The following SLC2A11 variants were observed in gnomAD, a reference collection of about 807,000 sequenced individuals.
SLC2A11 encodes the protein solute carrier family 2, facilitated glucose transporter member 11.
In SLC2A11, 43 loss-of-function variants were observed where a neutral mutation model predicts 52.1. The ratio of observed to expected loss-of-function variants is 0.82; its 90% confidence interval spans 0.65 to 1.06. The LOEUF is 1.06. SLC2A11 is among the 50% of genes least tolerant of loss of function. SLC2A11 has a pLI of 0.00. For synonymous variants in SLC2A11, 261 were observed against 277.6 expected (o/e 0.94, Z 0.59); for missense variants, 582 against 654.2 (o/e 0.89, Z 1.20).
chr22:23,869,969 T>C (rs2032396856), intron 3 of SLC2A11: 1 of 717,342 alleles, frequency 1.4e-6, no homozygotes, highest in African/African-American at 1.7e-5. Flanking sequence ...GTCCCATCAA[T>C]GAAGGTGGAG....
intron 2 of SLC2A11, 167 bp from the exon 3 acceptor site, chr22:23,868,314 G>T (rs1011799259): frequency 1.4e-6 from 1 of 695,146 alleles, no homozygotes; most frequent in Non-Finnish European, 2.4e-6. Context: ...CACAAGGGAG[G>T]TGCTCAGGCG....
chr22:23,864,466 C>A (rs1347533277), intron 2 of SLC2A11, among the ~76,000 whole-genome samples: 2 of 152,052 alleles, frequency 1.3e-5, no homozygotes, highest in African/African-American at 4.8e-5. Flanking sequence ...TTACAGGCGC[C>A]CACCACCACG....
Position 23,884,309 on chromosome 22 carries a change from G to A in SLC2A11, c.1179G>A (p.Val393=). 1 of 1,613,596 alleles carries A rather than the reference G, an allele frequency of 6.2e-7. No homozygotes were observed. Among genetic ancestry groups the A allele is most frequent in the Non-Finnish European group, 8.5e-7 (1 of 1,179,754 alleles). ...ILSFGIGPAG[V]TGILATELFD... is the part of the protein sequence containing the mutation. The stretch of plus-strand genomic sequence containing the variant: ...CCCTGCCCCTCCTTCTAGCCGGAGT[G>A]ACGGGGATCCTGGCCACAGAGCTGT... Residue 393 remains valine (V), a synonymous_variant, in exon 11 of 12, where the codon GTG becomes GTA. Transcript: ENST00000316185. The surrounding 1 kb of genome is among the most constrained non-coding windows in gnomAD (Gnocchi z 4.3).
intron 2 of SLC2A11, 139 bp downstream of exon 2, chr22:23,862,341 G>A: frequency 1.4e-6 from 1 of 700,414 alleles, no homozygotes; most frequent in Non-Finnish European, 2.5e-6. Flanking sequence ...TGGCCCACAG[G>A]TTCCTGCAGG....
Position 23,874,601 on chromosome 22 carries a change from CA to C in SLC2A11, c.291-515del, listed in dbSNP as rs2032555793. On this transcript the variant is annotated intron_variant, in intron 3 of 11. Transcript: ENST00000316185. Reference sequence around the variant, plus strand: ...AGTAGCTGGGATTACAGGCATGTGCCACCATGCCTGGCTAATTTTGTATTTT... The same window carrying C: ...AGTAGCTGGGATTACAGGCATGTGCCCCATGCCTGGCTAATTTTGTATTTT... Among the ~76,000 whole-genome samples the C allele has an allele frequency of 2.0e-5, 3 of 152,112 alleles. No homozygotes were observed. The South Asian group carries it at 6.2e-4, about 32-fold the overall frequency.
intron 2 of SLC2A11, chr22:23,867,582 G>A (rs1357606302): frequency 4.8e-6 from 2 of 419,656 alleles, no homozygotes; most frequent in Non-Finnish European, 5.0e-6. Flanking sequence ...GTAATGAGAT[G>A]ACAGGGTAGG....
upstream of SLC2A11, chr22:23,857,059 A>C: frequency 1.7e-6 from 1 of 597,724 alleles, no homozygotes; most frequent in Non-Finnish European, 2.8e-6. Flanking sequence ...TACCTGAACC[A>C]AAGTGTGTGT....
chr22:23,864,402 A>C (rs2032186129), intron 2 of SLC2A11, among the ~76,000 whole-genome samples: 1 of 151,984 alleles, frequency 6.6e-6, no homozygotes, highest in Admixed American at 6.5e-5. Context: ...GCTCACTGCA[A>C]CCTCCACCTC....
rs1339328070 is a variant in SLC2A11 at position 23,857,900 on chromosome 22, C to G, written c.-100C>G. ...CTCTTTCACCACTGGGCGCTGCGCG[C>G]TGCCCTTCCCTCCGCGCACAGGCTG... On this transcript the variant is annotated 5_prime_UTR_variant, in exon 1 of 12. Coordinates refer to ENST00000316185, the MANE Select transcript of SLC2A11 (RefSeq NM_001024939.4). 25 of 1,570,276 alleles carry G rather than the reference C, an allele frequency of 1.6e-5. No individual in the cohort carries two copies. Among genetic ancestry groups the G allele is most frequent in the Non-Finnish European group, 2.2e-5 (25 of 1,159,174 alleles).
intron 4 of SLC2A11, among the ~76,000 whole-genome samples, chr22:23,875,648 GAGC>G (rs2032593005): frequency 6.6e-6 from 1 of 152,176 alleles, no homozygotes; most frequent in South Asian, 2.1e-4. Context: ...TCATGTGAGA[GAGC>G]AGAATTTTGA....
At chr22:23,865,767 T>C (rs1486622102) in intron 2 of SLC2A11, 1 of 152,144 alleles carries the variant, frequency 6.6e-6, no homozygotes, top group Non-Finnish European at 1.5e-5. Flanking sequence ...AGTGATCAGA[T>C]GTGGAGGATG....
At chr22:23,883,355 TAGCTACTGGCGAGGCTGAGGTGGG>T (rs1462162584) in intron 8 of SLC2A11, 4 of 317,444 alleles carry the variant, frequency 1.3e-5, no homozygotes, top group Non-Finnish European at 2.4e-5. Flanking sequence ...CCTGTAGTGC[TAGCTACTGGCGAGGCTGAGGTGGG>T]AGGATCACTT....
rs200373859 is a variant in SLC2A11 at position 23,882,522 on chromosome 22, G to A, written c.758G>A (p.Arg253His). The change falls in exon 7 of 12, where the codon CGC becomes CAC. Residue 253 changes from arginine (R) to histidine (H), a missense_variant. Physicochemically the swap from Arg to His is conservative, Grantham distance 29. Transcript: ENST00000316185. ...AGELEELEEE[R>H]AACQGCRARR... ...GAGCTGGAGGAGCTGGAGGAGGAGC[G>A]CGCTGCCTGCCAGGGCTGCCGTGCC... The A allele has an allele frequency of 1.9e-4, 310 of 1,594,180 alleles. No individual in the cohort carries two copies. In the African/African-American group the frequency reaches 3.3e-3, roughly 17 times the overall value.
At position 23,877,127 on chromosome 22, in the gene SLC2A11, CT is replaced by C. The variant is rs759936916; in HGVS notation, c.504del (p.Phe168LeufsTer7). Reference sequence around the variant, plus strand: ...GAGCTGTGGCCATGAGCTCAGCCATCTTTACGGCTCTGGGGATCGTGATGGG... The same window carrying C: ...GAGCTGTGGCCATGAGCTCAGCCATCTTACGGCTCTGGGGATCGTGATGGG... ...RGAVAMSSAI[F>X]TALGIVMGQV... On this transcript the variant is annotated frameshift_variant, in exon 5 of 12. Transcript: ENST00000316185. LOFTEE classifies it high-confidence loss of function. 69 of 1,613,622 alleles carry C rather than the reference CT, an allele frequency of 4.3e-5. No individual in the cohort carries two copies. The highest frequency in any genetic ancestry group is 5.6e-5 in the Non-Finnish European group (66 of 1,179,884).
At chr22:23,869,735 A>G (rs964781422) in intron 3 of SLC2A11, 5 of 449,256 alleles carry the variant, frequency 1.1e-5, no homozygotes, top group Non-Finnish European at 2.0e-5. Flanking sequence ...AAGAACAGAA[A>G]TTTACTTTCT....
rs76480802 is a variant in SLC2A11 at position 23,885,024 on chromosome 22, G to A, written c.*175G>A. Reference sequence around the variant, plus strand: ...AATCAATGGTGAGCGTGGTATTCCAGGCTAAAGGTAATTAACTGACAGAAA... The same window carrying A: ...AATCAATGGTGAGCGTGGTATTCCAAGCTAAAGGTAATTAACTGACAGAAA... On this transcript the variant is annotated 3_prime_UTR_variant, in exon 12 of 12. Transcript: ENST00000316185. 1.9e-3 allele frequency: 1,110 copies of A among 591,626 alleles called. 12 individuals carry two copies. The highest frequency in any genetic ancestry group is 0.018 in the African/African-American group (945 of 53,502). The allele number at this position is 591,626 out of a possible 1,614,324, so 36.6% of individuals were successfully genotyped here.
Position 23,884,493 on chromosome 22 carries a change from C to T in SLC2A11, c.1299+64C>T. The T allele has an allele frequency of 6.3e-7, 1 of 1,577,376 alleles. No homozygotes were observed. Among genetic ancestry groups the T allele is most frequent in the African/African-American group, 1.3e-5 (1 of 74,168 alleles). The stretch of plus-strand genomic sequence containing the variant: ...TGTGTCCCTGTCATCCTGAGAACCC[C>T]AGGGGGAGGCTTCCATCCAGGGAGA... On this transcript the variant is annotated intron_variant, in intron 11 of 11. Transcript: ENST00000316185. This position sits in a 1 kb window ranked among gnomAD's most constrained non-coding sequence, Gnocchi z 4.3.
At chr22:23,870,200 G>A (rs913416506) in intron 3 of SLC2A11, 3 of 605,840 alleles carry the variant, frequency 5.0e-6, no homozygotes, top group South Asian at 2.0e-5. Flanking sequence ...AGAAGACGGA[G>A]GTAATAACTA....
intron 1 of SLC2A11, among the ~76,000 whole-genome samples, chr22:23,858,599 A>G (rs563414114): frequency 1.3e-5 from 2 of 152,146 alleles, no homozygotes; most frequent in Non-Finnish European, 2.9e-5. Context: ...AAATAGCACC[A>G]ACTAAGGTGG....
Sources: gnomAD v4.1 joint callset for allele counts (sites outside exome capture counted in the v4.1 genomes callset) on GRCh38, gnomAD v4.1.1 for gene constraint, Gnocchi (gnomAD v3.1) non-coding constraint, MANE v1.5 for transcripts, NCBI Gene and HGNC (gene_info 2026-07-23, HGNC 2026-07-21) for gene names.